Variants in ELOVL4 observed in about 807,000 individuals in gnomAD.
ELOVL4 encodes very long chain fatty acid elongase 4.
Under a neutral mutation model 42.1 loss-of-function variants are expected in ELOVL4, and 18 were observed. That is an observed-to-expected ratio of 0.43 (90% confidence interval 0.30 to 0.63). ELOVL4 has a LOEUF of 0.63. Ranked by LOEUF, ELOVL4 falls within the 30% of genes least tolerant of loss-of-function variation. The pLI is 0.15. For missense variants in ELOVL4, 299 were observed against 376.2 expected (o/e 0.79, Z 1.70); for synonymous variants, 117 against 127.0 (o/e 0.92, Z 0.53).
At chr6:79,931,909 T>C (rs1306177290) in intron 1 of ELOVL4, among the ~76,000 whole-genome samples, 1 of 152,250 alleles carries the variant, frequency 6.6e-6, no homozygotes, top group Admixed American at 6.5e-5. Context: ...TTTCCCATGA[T>C]AGTTTTGAAC....
intron 1 of ELOVL4, among the ~76,000 whole-genome samples, chr6:79,942,078 A>T (rs1381284037): frequency 6.6e-6 from 1 of 152,198 alleles, no homozygotes; most frequent in African/African-American, 2.4e-5. Context: ...CTGGAGAGGT[A>T]AACAGGGAAA....
intron 3 of ELOVL4, among the ~76,000 whole-genome samples, chr6:79,922,732 C>T (rs1334343711): frequency 6.6e-6 from 1 of 152,140 alleles, no homozygotes; most frequent in African/African-American, 2.4e-5. Context: ...TGAAGGATCC[C>T]TTTGCATTTT....
intron 1 of ELOVL4, among the ~76,000 whole-genome samples, chr6:79,946,222 T>C (rs1483883614): frequency 6.6e-6 from 1 of 152,226 alleles, no homozygotes; most frequent in African/African-American, 2.4e-5. Context: ...CTGAAATCCT[T>C]TAAACCTTAT....
chr6:79,929,146 G>GA (rs910558651), intron 1 of ELOVL4, among the ~76,000 whole-genome samples: 12 of 120,050 alleles, frequency 1.0e-4, no homozygotes, highest in African/African-American at 3.9e-4. Context: ...GTTTCAATGA[G>GA]AAAACGAATC....
chr6:79,919,150 T>C (rs534174568), intron 5 of ELOVL4, among the ~76,000 whole-genome samples: 1 of 152,274 alleles, frequency 6.6e-6, no homozygotes, highest in South Asian at 2.1e-4. Context: ...TAATCATCCT[T>C]TCCACAAACA....
rs928382711 is a variant in ELOVL4 at position 79,939,806 on chromosome 6, G to A, written c.100+7374C>T. Among the ~76,000 whole-genome samples the A allele has an allele frequency of 6.6e-5, 10 of 152,182 alleles. No homozygotes were observed. The East Asian group carries it at 7.7e-4, about 12-fold the overall frequency. ...AGGCATGAGCCACTGGGCCCAGCCC[G>A]AATTTGACTACAGTAGAGGGTCCAT... On this transcript the variant is annotated intron_variant, in intron 1 of 5. Transcript: ENST00000369816.
At chr6:79,940,354 T>C (rs141507164) in intron 1 of ELOVL4, among the ~76,000 whole-genome samples, 60 of 152,328 alleles carry the variant, frequency 3.9e-4, no homozygotes, top group African/African-American at 1.3e-3. Context: ...GAAAAATATA[T>C]GGCAAAAGAT....
intron 1 of ELOVL4, among the ~76,000 whole-genome samples, chr6:79,929,969 T>C (rs943268634): frequency 6.6e-6 from 1 of 152,224 alleles, no homozygotes; most frequent in African/African-American, 2.4e-5. Context: ...TATTCCTCTA[T>C]TCTCTATCCT....
At chr6:79,938,127 C>T (rs184660473) in intron 1 of ELOVL4, among the ~76,000 whole-genome samples, 192 of 152,232 alleles carry the variant, frequency 1.3e-3, no homozygotes, top group Non-Finnish European at 2.0e-3. Flanking sequence ...AAATATATCT[C>T]GAGAGAGAGA....
At chr6:79,937,391 A>G (rs937586236) in intron 1 of ELOVL4, among the ~76,000 whole-genome samples, 1 of 152,210 alleles carries the variant, frequency 6.6e-6, no homozygotes, top group African/African-American at 2.4e-5. Context: ...CAGAAGCTGT[A>G]AAGGAGAAAA....
intron 1 of ELOVL4, among the ~76,000 whole-genome samples, chr6:79,933,831 G>GC (rs1297360945): frequency 6.6e-6 from 1 of 152,168 alleles, no homozygotes; most frequent in African/African-American, 2.4e-5. Flanking sequence ...TTAGGGAGCT[G>GC]CACTGGCAAT....
rs1370711335 is a variant in ELOVL4 at position 79,915,458 on chromosome 6, G to C, written c.*1150C>G. On this transcript the variant is annotated 3_prime_UTR_variant, in exon 6 of 6. Coordinates refer to ENST00000369816, the MANE Select transcript of ELOVL4 (RefSeq NM_022726.4). ...AAAATGGGTTTATACTTCATACCTAGTTAATAAATAAGATCTTGCAACTTA... is the reference window on the plus strand; with the variant it reads ...AAAATGGGTTTATACTTCATACCTACTTAATAAATAAGATCTTGCAACTTA... 6.6e-6 allele frequency: 1 copy of C among 152,486 alleles called. No individual in the cohort carries two copies. Among genetic ancestry groups the C allele is most frequent in the African/African-American group, 2.4e-5 (1 of 41,416 alleles). The allele number at this position is 152,486 out of a possible 1,614,324, so 9.4% of individuals were successfully genotyped here.
chr6:79,926,331 T>C lies in ELOVL4; in HGVS notation c.151A>G (p.Ser51Gly), dbSNP rs1774342734. The stretch of plus-strand genomic sequence containing the variant: ...AACAGGAGATAAAGAGTGCTTATAC[T>C]TAGTGTAGGCCAAGGAGACTGCATC... Reference protein sequence around the residue: ...PLMQSPWPTLSISTLYLLFVW... With the variant: ...PLMQSPWPTLGISTLYLLFVW... The change falls in exon 2 of 6, where the codon AGT (serine) becomes GGT (glycine). Residue 51 changes from serine (S) to glycine (G), a missense_variant. Transcript: ENST00000369816. The C allele has an allele frequency of 6.2e-7, 1 of 1,614,006 alleles. No homozygotes were observed. The highest frequency in any genetic ancestry group is 8.5e-7 in the Non-Finnish European group (1 of 1,179,952).
intron 1 of ELOVL4, among the ~76,000 whole-genome samples, chr6:79,928,847 C>T (rs779994607): frequency 1.4e-4 from 21 of 150,024 alleles, no homozygotes; most frequent in Non-Finnish European, 2.4e-4. Context: ...TCAAGTGATC[C>T]ACCTGCCTCA....
intron 1 of ELOVL4, among the ~76,000 whole-genome samples, chr6:79,931,222 G>GT (rs1774437859): frequency 6.6e-6 from 1 of 151,926 alleles, no homozygotes; most frequent in Non-Finnish European, 1.5e-5. Context: ...ACCTTCATGT[G>GT]TTAATAAATT....
rs1240808923 is a variant in ELOVL4 at position 79,915,124 on chromosome 6, G to A, written c.*1484C>T. The A allele has an allele frequency of 3.9e-5, 6 of 152,428 alleles. No individual in the cohort carries two copies. The highest frequency in any genetic ancestry group is 8.8e-5 in the Non-Finnish European group (6 of 67,974). 9.4% of individuals were successfully genotyped at this position (152,428 alleles called of 1,614,324 possible). On this transcript the variant is annotated 3_prime_UTR_variant, in exon 6 of 6. Transcript: ENST00000369816. ...GCATACATCCTACACATGCAGCTTT[G>A]ACATGTTGTTGAGATACTTAAGAAA...
intron 1 of ELOVL4, among the ~76,000 whole-genome samples, chr6:79,932,840 A>G (rs1202742248): frequency 6.7e-6 from 1 of 148,984 alleles, no homozygotes; most frequent in African/African-American, 2.6e-5. Context: ...TCTTATGAAC[A>G]GTGGTAGGAC....
chr6:79,943,734 T>C (rs1175626145), intron 1 of ELOVL4, among the ~76,000 whole-genome samples: 1 of 152,136 alleles, frequency 6.6e-6, no homozygotes, highest in Non-Finnish European at 1.5e-5. Flanking sequence ...ACTGTGCCTG[T>C]ACATGGCAAG....
intron 1 of ELOVL4, among the ~76,000 whole-genome samples, chr6:79,944,803 C>A (rs929631842): frequency 1.3e-5 from 2 of 152,124 alleles, no homozygotes; most frequent in South Asian, 2.1e-4. Flanking sequence ...TCACCACACT[C>A]ATCACTATTT....
Sources: allele counts gnomAD v4.1 joint callset (sites outside exome capture counted in the v4.1 genomes callset), GRCh38; gene constraint gnomAD v4.1.1; transcripts MANE v1.5; gene names NCBI Gene and HGNC (gene_info 2026-07-23, HGNC 2026-07-21).